NUDT3: variants seen among roughly 807,000 people sequenced by gnomAD.
NUDT3 encodes the protein nudix hydrolase 3.
NUDT3 carries 9 observed loss-of-function variants against 23.6 expected under a neutral mutation model. The observed-to-expected ratio is 0.38, with a 90% CI of 0.23 to 0.66. The LOEUF (loss-of-function observed/expected upper bound fraction) is 0.66, where lower values mean the gene tolerates loss of function less well. NUDT3 is among the 30% of genes least tolerant of loss of function. The pLI is 0.52. For synonymous variants in NUDT3, 86 were observed against 82.6 expected (o/e 1.04, Z -0.22); for missense variants, 172 against 218.5 (o/e 0.79, Z 1.34).
intron 4 of NUDT3, among the ~76,000 whole-genome samples, chr6:34,291,769 C>T (rs1763426578): frequency 6.6e-6 from 1 of 152,150 alleles, no homozygotes; most frequent in Admixed American, 6.5e-5. Flanking sequence ...TCCCAAAGCG[C>T]TGGGATTACA....
At chr6:34,311,562 G>A (rs1355212921) in intron 2 of NUDT3, among the ~76,000 whole-genome samples, 1 of 152,124 alleles carries the variant, frequency 6.6e-6, no homozygotes, top group African/African-American at 2.4e-5. Context: ...ATTATTTTGT[G>A]AATATTGAAA....
At chr6:34,370,183 A>C (rs1764804232) in intron 1 of NUDT3, among the ~76,000 whole-genome samples, 1 of 152,218 alleles carries the variant, frequency 6.6e-6, no homozygotes. Flanking sequence ...CCTTCTTGGC[A>C]CCATTCTACA....
intron 1 of NUDT3, among the ~76,000 whole-genome samples, chr6:34,352,637 C>G (rs1448708649): frequency 6.6e-6 from 1 of 152,130 alleles, no homozygotes; most frequent in East Asian, 1.9e-4. Context: ...ATAATACATG[C>G]TCAAACAGAA....
chr6:34,321,238 G>C (rs1763937232), intron 2 of NUDT3, among the ~76,000 whole-genome samples: 1 of 152,048 alleles, frequency 6.6e-6, no homozygotes, highest in African/African-American at 2.4e-5. Flanking sequence ...AGGAGTTCAA[G>C]ACCAGCCTGG....
chr6:34,378,721 G>A (rs1047225828), intron 1 of NUDT3, among the ~76,000 whole-genome samples: 1 of 152,198 alleles, frequency 6.6e-6, no homozygotes, highest in African/African-American at 2.4e-5. Context: ...AACTGGTGGA[G>A]CCTTAGTCCC....
chr6:34,389,983 G>A (rs1416589799), intron 1 of NUDT3, among the ~76,000 whole-genome samples: 29 of 138,522 alleles, frequency 2.1e-4, no homozygotes, highest in Non-Finnish European at 4.2e-4. Flanking sequence ...AAAAAATACA[G>A]AAAACTAGCC....
At chr6:34,383,069 G>A (rs1765049131) in intron 1 of NUDT3, among the ~76,000 whole-genome samples, 1 of 150,420 alleles carries the variant, frequency 6.6e-6, no homozygotes, top group South Asian at 2.1e-4. Context: ...GGAGGTTGCA[G>A]TGAGCCAAGA....
intron 2 of NUDT3, among the ~76,000 whole-genome samples, chr6:34,334,702 A>G (rs1206563245): frequency 6.6e-6 from 1 of 152,094 alleles, no homozygotes; most frequent in East Asian, 1.9e-4. Context: ...GCACTTTGGG[A>G]AGCTGAGGGA....
intron 1 of NUDT3, among the ~76,000 whole-genome samples, chr6:34,356,171 T>G (rs928360333): frequency 6.6e-6 from 1 of 152,160 alleles, no homozygotes; most frequent in Admixed American, 6.6e-5. Flanking sequence ...ATGCCTGAGG[T>G]AATAGGTACC....
chr6:34,312,735 T>C (rs1763793430), intron 2 of NUDT3, among the ~76,000 whole-genome samples: 2 of 152,202 alleles, frequency 1.3e-5, no homozygotes, highest in Admixed American at 1.3e-4. Context: ...GCTTTATTAA[T>C]AACTGCCAAA....
At chr6:34,290,987 G>A (rs1309393309) in intron 4 of NUDT3, among the ~76,000 whole-genome samples, 1 of 151,422 alleles carries the variant, frequency 6.6e-6, no homozygotes, top group Non-Finnish European at 1.5e-5. Context: ...TGAGACGGAG[G>A]CTCACTCCGT....
intron 3 of NUDT3, among the ~76,000 whole-genome samples, 162 bp downstream of exon 3, chr6:34,295,479 C>G (rs1478720068): frequency 6.6e-6 from 1 of 151,826 alleles, no homozygotes; most frequent in East Asian, 1.9e-4. Context: ...TATGACTGTG[C>G]CACTGCACTC....
intron 1 of NUDT3, among the ~76,000 whole-genome samples, chr6:34,354,351 C>T (rs1402758306): frequency 6.6e-6 from 1 of 151,242 alleles, no homozygotes; most frequent in Non-Finnish European, 1.5e-5. Context: ...ATCCTATGAA[C>T]AGCCATTGCA....
At chr6:34,355,937 C>T (rs1309267727) in intron 1 of NUDT3, among the ~76,000 whole-genome samples, 3 of 152,142 alleles carry the variant, frequency 2.0e-5, no homozygotes, top group Non-Finnish European at 4.4e-5. Flanking sequence ...CTATGCATCT[C>T]TTCATCTGTA....
At chr6:34,296,127 G>A (rs1022993962) in intron 2 of NUDT3, among the ~76,000 whole-genome samples, 1 of 152,210 alleles carries the variant, frequency 6.6e-6, no homozygotes, top group African/African-American at 2.4e-5. Flanking sequence ...AAATTAGCCA[G>A]TCATGGCAGC....
At chr6:34,368,038 T>G (rs1047260422) in intron 1 of NUDT3, among the ~76,000 whole-genome samples, 48 of 151,974 alleles carry the variant, frequency 3.2e-4, no homozygotes, top group African/African-American at 1.1e-3. Flanking sequence ...TCGTCTCTAC[T>G]AAAAATACAA....
At chr6:34,304,834 CTTT>C (rs533001818) in intron 2 of NUDT3, among the ~76,000 whole-genome samples, 88 of 130,808 alleles carry the variant, frequency 6.7e-4, no homozygotes, top group African/African-American at 2.1e-3. Flanking sequence ...TAATTAAAAA[CTTT>C]TTTTTTTTTT....
At chr6:34,358,705 A>AG (rs1764601024) in intron 1 of NUDT3, among the ~76,000 whole-genome samples, 1 of 152,140 alleles carries the variant, frequency 6.6e-6, no homozygotes, top group African/African-American at 2.4e-5. Context: ...CACGCCTCAC[A>AG]GGGGGGCCAG....
In NUDT3 at chr6:34,295,302, C is replaced by G. The variant is rs140898990; in HGVS notation, c.255+339G>C. Among the ~76,000 whole-genome samples the G allele has an allele frequency of 1.4e-4, 21 of 151,758 alleles. No individual in the cohort carries two copies. In the South Asian group the frequency reaches 4.2e-3, roughly 30 times the overall value. The stretch of plus-strand genomic sequence containing the variant: ...TTTTGGGAGGCTGAGGCAGGAGGAT[C>G]GCTTAAACGCAGGAGTTTGAGACCA... On this transcript the variant is annotated intron_variant, in intron 3 of 4. Transcript: ENST00000607016.
Sources: allele counts gnomAD v4.1 joint callset (sites outside exome capture counted in the v4.1 genomes callset), GRCh38; gene constraint gnomAD v4.1.1; transcripts MANE v1.5; gene names NCBI Gene and HGNC (gene_info 2026-07-23, HGNC 2026-07-21).